The following MYPN variants were observed in gnomAD, a reference collection of about 807,000 sequenced individuals.
MYPN encodes sarcomeric protein myopalladin, 145 kDa (MYOP).
In MYPN, 63 loss-of-function variants were observed where a neutral mutation model predicts 129.4. That is an observed-to-expected ratio of 0.49 (90% CI 0.40 to 0.60). The LOEUF (loss-of-function observed/expected upper bound fraction) is 0.60. MYPN is among the 20% of genes least tolerant of loss of function. MYPN has a pLI of 0.00. For missense variants in MYPN, 1,596 were observed against 1,635.4 expected (o/e 0.98, Z 0.42); for synonymous variants, 629 against 600.9 (o/e 1.05, Z -0.68).
At chr10:68,202,607 T>A (rs1306203970) in intron 18 of MYPN, among the ~76,000 whole-genome samples, 1 of 152,216 alleles carries the variant, frequency 6.6e-6, no homozygotes, top group Non-Finnish European at 1.5e-5. Flanking sequence ...TGATTGTTTT[T>A]AAAGTAAGCT....
chr10:68,125,542 G>A (rs747641472), intron 2 of MYPN, among the ~76,000 whole-genome samples: 3 of 152,078 alleles, frequency 2.0e-5, no homozygotes, highest in Admixed American at 6.6e-5. Context: ...CTGTGTGTTC[G>A]GCACAGTGAT....
Position 68,123,676 on chromosome 10 carries a change from A to C in MYPN, c.902+1336A>C, listed in dbSNP as rs549469414. 2.8e-5 allele frequency among the ~76,000 whole-genome samples: 4 copies of C among 140,836 alleles called. No homozygotes were observed. The South Asian group carries it at 6.9e-4, about 24-fold the overall frequency. 92.4% of individuals were successfully genotyped at this position (140,836 alleles called of 152,430 possible). Reference sequence around the variant, plus strand: ...ACTCCAGCCTGGGCGACAGAGCGAGACTCCTTCAATAAATAAATAAATAAA... The same window carrying C: ...ACTCCAGCCTGGGCGACAGAGCGAGCCTCCTTCAATAAATAAATAAATAAA... On this transcript the variant is annotated intron_variant, in intron 2 of 19. Transcript: ENST00000358913.
intron 1 of MYPN, among the ~76,000 whole-genome samples, chr10:68,092,316 G>A (rs925371666): frequency 2.6e-5 from 4 of 152,034 alleles, no homozygotes; most frequent in Non-Finnish European, 4.4e-5. Context: ...CCAACATGGT[G>A]AAAACCTGCC....
chr10:68,165,308 C>T (rs558101995), intron 8 of MYPN, among the ~76,000 whole-genome samples: 5 of 152,292 alleles, frequency 3.3e-5, no homozygotes, highest in Middle Eastern at 3.4e-3. Context: ...AAAAATTAGC[C>T]GGGCTTGGTG....
At chr10:68,158,709 A>C (rs2042923727) in intron 7 of MYPN, 82 bp downstream of exon 7, 1 of 1,005,426 alleles carries the variant, frequency 9.9e-7, no homozygotes, top group East Asian at 2.6e-5. Context: ...ACTTTTTAAC[A>C]ACTAATTAAA....
chr10:68,141,625 C>T (rs2134061980), intron 2 of MYPN, among the ~76,000 whole-genome samples: 1 of 152,276 alleles, frequency 6.6e-6, no homozygotes, highest in East Asian at 1.9e-4. Flanking sequence ...CATCTTGTTT[C>T]CCTTCGCCCC....
chr10:68,136,849 T>C (rs1451207993), intron 2 of MYPN: 6 of 1,164,294 alleles, frequency 5.2e-6, no homozygotes, highest in South Asian at 1.6e-5. Context: ...TAGAGTTACA[T>C]TGCTTTAAAA....
Position 68,190,461 on chromosome 10 carries a change from G to GT in MYPN, c.2925+1335_2925+1336insT, listed in dbSNP as rs397748989. ...GAGGCCTCAGCCTCCCAAAGTACTG[G>GT]ATTACAGGCGTGAGCCACCACGCCC... On this transcript the variant is annotated intron_variant, in intron 13 of 19. Coordinates refer to ENST00000358913, the MANE Select transcript of MYPN (RefSeq NM_032578.4). Among the ~76,000 whole-genome samples, 4 of 151,388 alleles carry GT rather than the reference G, an allele frequency of 2.6e-5. No individual in the cohort carries two copies. In the East Asian group the frequency reaches 7.8e-4, roughly 30 times the overall value.
chr10:68,142,982 T>G lies in MYPN; in HGVS notation c.945T>G (p.Ile315Met). The G allele has an allele frequency of 6.2e-7, 1 of 1,614,098 alleles. No individual in the cohort carries two copies. The highest frequency in any genetic ancestry group is 8.5e-7 in the Non-Finnish European group (1 of 1,180,020). The part of the protein sequence containing the change: ...EGKELENSPD[I>M]HIVQAGNLHS... Reference sequence around the variant, plus strand: ...AGGAGCTTGAAAATTCCCCAGATATTCACATCGTCCAGGCAGGAAATCTGC... The same window carrying G: ...AGGAGCTTGAAAATTCCCCAGATATGCACATCGTCCAGGCAGGAAATCTGC... Residue 315 changes from isoleucine (I) to methionine (M), a missense_variant, in exon 3 of 20, where the codon ATT becomes ATG. Ile to Met is a conservative substitution (Grantham distance 10). Coordinates refer to ENST00000358913, the MANE Select transcript of MYPN (RefSeq NM_032578.4).
intron 12 of MYPN, among the ~76,000 whole-genome samples, chr10:68,187,666 C>A (rs2043443308): frequency 6.6e-6 from 1 of 152,108 alleles, no homozygotes; most frequent in Non-Finnish European, 1.5e-5. Context: ...CTCTGGAATT[C>A]TGGGAAAGAG....
chr10:68,191,653 T>C (rs2043515655), intron 13 of MYPN, among the ~76,000 whole-genome samples: 1 of 152,230 alleles, frequency 6.6e-6, no homozygotes, highest in Non-Finnish European at 1.5e-5. Context: ...TATCTTTCCA[T>C]TTGTGTGTGT....
chr10:68,118,939 C>T (rs2133985854), intron 1 of MYPN, among the ~76,000 whole-genome samples: 1 of 144,646 alleles, frequency 6.9e-6, no homozygotes, highest in East Asian at 2.1e-4. Flanking sequence ...ATTTAAAAAA[C>T]CACAATAAAC....
chr10:68,110,342 G>A (rs1235005073), intron 1 of MYPN, among the ~76,000 whole-genome samples: 2 of 151,972 alleles, frequency 1.3e-5, no homozygotes, highest in East Asian at 1.9e-4. Flanking sequence ...CAAATGTTTG[G>A]CCTGGTACAT....
chr10:68,150,984 G>C (rs957496272), intron 6 of MYPN, among the ~76,000 whole-genome samples: 1 of 152,252 alleles, frequency 6.6e-6, no homozygotes, highest in Admixed American at 6.5e-5. Flanking sequence ...TTGCCCTTCA[G>C]AGTCATTGGC....
chr10:68,139,638 A>T (rs1338202608), intron 2 of MYPN, among the ~76,000 whole-genome samples: 2 of 152,180 alleles, frequency 1.3e-5, no homozygotes, highest in Non-Finnish European at 1.5e-5. Flanking sequence ...TGGTAGTTTT[A>T]TGCTTTGGGA....
Position 68,189,135 on chromosome 10 carries a change from G to C in MYPN, c.2925+9G>C, listed in dbSNP as rs12241644. On this transcript the variant is annotated intron_variant, in intron 13 of 19. Transcript: ENST00000358913. ...GGATACCTGTTCCAAAGGTAGGGAA[G>C]ATGACAAGCCAGTTGGCCACCTCAC... The C allele has an allele frequency of 3.8e-3, 6,073 of 1,609,998 alleles. 83 individuals are homozygous for C. The African/African-American group carries it at 0.041, about 11-fold the overall frequency.
At chr10:68,164,940 T>G (rs2043030654) in intron 8 of MYPN, among the ~76,000 whole-genome samples, 2 of 152,264 alleles carry the variant, frequency 1.3e-5, no homozygotes, top group Admixed American at 1.3e-4. Context: ...GGTCCTTGTT[T>G]AAAATAATTT....
chr10:68,096,002 G>A (rs924566335), intron 1 of MYPN, among the ~76,000 whole-genome samples: 10 of 152,058 alleles, frequency 6.6e-5, no homozygotes, highest in Non-Finnish European at 8.8e-5. Context: ...TTTTTATTAG[G>A]CCTTTTTCTC....
intron 19 of MYPN, 103 bp from the exon 20 acceptor site, chr10:68,210,183 G>T (rs2043885265): frequency 1.5e-6 from 2 of 1,344,478 alleles, no homozygotes; most frequent in African/African-American, 2.9e-5. Context: ...GCTTTACCAA[G>T]AATGCTCAGG....
Sources: allele counts gnomAD v4.1 joint callset (sites outside exome capture counted in the v4.1 genomes callset), GRCh38; gene constraint gnomAD v4.1.1; transcripts MANE v1.5; gene names NCBI Gene and HGNC (gene_info 2026-07-23, HGNC 2026-07-21).